Variants in TRIM61 observed in about 807,000 individuals in gnomAD.
TRIM61 encodes putative tripartite motif-containing protein 61.
A neutral mutation model predicts 14.2 loss-of-function variants in TRIM61; 1 was observed. The observed-to-expected ratio is 0.07, with a 90% CI of 0.03 to 0.33. TRIM61 has a LOEUF of 0.33. Ranked by LOEUF, TRIM61 falls within the 10% of genes least tolerant of loss-of-function variation. TRIM61 has a pLI of 0.99. For missense variants in TRIM61, 19 were observed against 202.2 expected (o/e 0.09, Z 5.49); for synonymous variants, 8 against 71.6 (o/e 0.11, Z 4.49).
chr4:164,974,076 G>A (rs28475532), intron 2 of TRIM61, among the ~76,000 whole-genome samples: 46,033 of 152,136 alleles, frequency 0.3, 7,176 homozygotes, highest in Admixed American at 0.39. Context: ...AGGCTGCAGC[G>A]GGAGAATTGC....
At chr4:164,974,957 G>A (rs1043758205) in intron 2 of TRIM61, among the ~76,000 whole-genome samples, 11 of 151,608 alleles carry the variant, frequency 7.3e-5, no homozygotes, top group South Asian at 4.2e-4. Flanking sequence ...GCCCAGCCAC[G>A]CACGGTGGCT....
chr4:164,954,999 C>T lies in TRIM61; in HGVS notation c.623G>A (p.Gly208Asp). Residue 208 changes from glycine to aspartate, a missense_variant, in exon 4 of 5, where the codon GGC becomes GAC. By Grantham distance (94) the Gly-to-Asp change is moderately conservative. Transcript: ENST00000329314. ...ACCTGTAGTCCCAGCTACTCAGGAGCCAGAGGCAGAAGAATCGCTTGATCC... is the reference window on the plus strand; with the variant it reads ...ACCTGTAGTCCCAGCTACTCAGGAGTCAGAGGCAGAAGAATCGCTTGATCC... 6.6e-6 allele frequency: 2 copies of T among 300,814 alleles called. No individual in the cohort carries two copies. The highest frequency in any genetic ancestry group is 1.4e-5 in the Non-Finnish European group (2 of 146,434). 18.6% of individuals were successfully genotyped at this position (300,814 alleles called of 1,614,324 possible).
At chr4:164,968,797 G>A in intron 3 of TRIM61, 1 of 972,106 alleles carries the variant, frequency 1.0e-6, no homozygotes, top group Non-Finnish European at 1.2e-6. Flanking sequence ...TAATTTCCCT[G>A]TGGCCCAATA....
intron 3 of TRIM61, among the ~76,000 whole-genome samples, chr4:164,959,839 G>A (rs1288426277): frequency 6.6e-6 from 1 of 152,148 alleles, no homozygotes; most frequent in East Asian, 1.9e-4. Flanking sequence ...TACGGGCCTA[G>A]CAGAAGGGAA....
chr4:164,975,551 T>C (rs1404498402), intron 2 of TRIM61, among the ~76,000 whole-genome samples: 2 of 152,184 alleles, frequency 1.3e-5, no homozygotes, highest in Non-Finnish European at 2.9e-5. Flanking sequence ...ATGTGTTGTA[T>C]AAAATCAAGG....
chr4:164,955,009 A>C lies in TRIM61; in HGVS notation c.613T>G (p.Ser205Ala). ...CCAGCTACTCAGGAGCCAGAGGCAG[A>C]AGAATCGCTTGATCCCGGGAGGCGG... Residue 205 changes from serine (S) to alanine (A), a missense_variant, in exon 4 of 5, where the codon TCT becomes GCT. Physicochemically the swap from Ser to Ala is moderately conservative, Grantham distance 99. Around this residue, in one of 2 missense-constraint regions of TRIM61, gnomAD observed 2 missense variants for 96.6 expected, o/e 0.02. Coordinates refer to ENST00000329314, the MANE Select transcript of TRIM61 (RefSeq NM_001012414.3). The C allele has an allele frequency of 3.3e-6, 1 of 302,626 alleles. No homozygotes were observed. The highest frequency in any genetic ancestry group is 2.3e-5 in the African/African-American group (1 of 44,300). The allele number at this position is 302,626 out of a possible 1,614,324, so 18.7% of individuals were successfully genotyped here. A position where few individuals can be genotyped will look rare whatever the true frequency, so the allele number is the denominator to read the frequency against.
At chr4:164,975,514 T>C (rs1294806785) in intron 2 of TRIM61, among the ~76,000 whole-genome samples, 5 of 152,188 alleles carry the variant, frequency 3.3e-5, no homozygotes, top group Non-Finnish European at 5.9e-5. Flanking sequence ...CCCAGCCACT[T>C]TGACTCAACC....
chr4:164,965,291 A>T (rs969665674), intron 3 of TRIM61, among the ~76,000 whole-genome samples: 82 of 152,098 alleles, frequency 5.4e-4, no homozygotes, highest in Non-Finnish European at 9.9e-4. Flanking sequence ...CCATCTCAAA[A>T]AAAGACAAAA....
chr4:164,972,564 C>A (rs1339659421), intron 2 of TRIM61, among the ~76,000 whole-genome samples: 1 of 152,226 alleles, frequency 6.6e-6, no homozygotes, highest in Non-Finnish European at 1.5e-5. Flanking sequence ...TCTTGGCTCA[C>A]TGCAGCCTCC....
In TRIM61 at chr4:164,957,287, G is replaced by C. The variant is rs373576529; in HGVS notation, c.526-2191C>G. ...GCGAATCGTTTTCTCCGCGTGCCCTGTCAGCCGCTCATGGTGCCCAGAGAG... is the reference window on the plus strand; with the variant it reads ...GCGAATCGTTTTCTCCGCGTGCCCTCTCAGCCGCTCATGGTGCCCAGAGAG... On this transcript the variant is annotated intron_variant, in intron 3 of 4. Coordinates refer to ENST00000329314, the MANE Select transcript of TRIM61 (RefSeq NM_001012414.3). 1.6e-4 allele frequency: 261 copies of C among 1,614,174 alleles called. 1 individual carries two copies. In the South Asian group the frequency reaches 2.4e-3, roughly 15 times the overall value.
chr4:164,977,338 C>G (rs1482193404), intron 1 of TRIM61, among the ~76,000 whole-genome samples, 193 bp downstream of exon 1: 1 of 152,164 alleles, frequency 6.6e-6, no homozygotes, highest in African/African-American at 2.4e-5. Context: ...TTAATTGATA[C>G]AGGCTCAACA....
intron 3 of TRIM61, chr4:164,958,729 A>G (rs1215510707): frequency 6.0e-6 from 1 of 166,902 alleles, no homozygotes; most frequent in African/African-American, 2.4e-5. Flanking sequence ...ATTTTATCAA[A>G]ATTATGTAGA....
intron 3 of TRIM61, chr4:164,957,379 A>T: frequency 6.2e-7 from 1 of 1,613,958 alleles, no homozygotes; most frequent in South Asian, 1.1e-5. Context: ...AGTCAGAAGG[A>T]CCACCAGGAA....
At chr4:164,974,390 C>T (rs1479902191) in intron 2 of TRIM61, among the ~76,000 whole-genome samples, 1 of 152,098 alleles carries the variant, frequency 6.6e-6, no homozygotes, top group African/African-American at 2.4e-5. Flanking sequence ...AGTTCAGCAT[C>T]CACTAACACA....
chr4:164,968,324 A>C, intron 3 of TRIM61: 2 of 963,028 alleles, frequency 2.1e-6, no homozygotes, highest in South Asian at 9.7e-5. Flanking sequence ...TTACAAAAGT[A>C]ATAGATTTTC....
At chr4:164,972,002 T>C (rs1269744385) in intron 2 of TRIM61, among the ~76,000 whole-genome samples, 2 of 152,200 alleles carry the variant, frequency 1.3e-5, no homozygotes, top group Non-Finnish European at 2.9e-5. Flanking sequence ...CTATACATTC[T>C]CTTTAGACTA....
intron 3 of TRIM61, chr4:164,957,584 A>C: frequency 1.5e-6 from 2 of 1,336,728 alleles, no homozygotes; most frequent in Non-Finnish European, 2.0e-6. Context: ...CCAAAACTAA[A>C]CCAATCGTTA....
At position 164,955,075 on chromosome 4, in the gene TRIM61, T is replaced by TG; in HGVS notation, c.546dup (p.Arg183GlnfsTer68). 6.0e-6 allele frequency: 1 copy of TG among 166,706 alleles called. No homozygotes were observed. Among genetic ancestry groups the TG allele is most frequent in the South Asian group, 8.7e-5 (1 of 11,448 alleles). 10.3% of individuals were successfully genotyped at this position (166,706 alleles called of 1,614,324 possible). A position where few individuals can be genotyped will look rare whatever the true frequency, so the allele number is the denominator to read the frequency against. On this transcript the variant is annotated frameshift_variant, in exon 4 of 5. Coordinates refer to ENST00000329314, the MANE Select transcript of TRIM61 (RefSeq NM_001012414.3). LOFTEE classifies it high-confidence loss of function. ...GAGATCGTGCAACTGCACTCCAGCC[T>TG]GGTGACAGAAGGAGACTCCATCTCA... is the stretch of plus-strand genomic sequence containing the variant.
At chr4:164,971,143 A>G (rs932337035) in intron 2 of TRIM61, among the ~76,000 whole-genome samples, 1 of 152,148 alleles carries the variant, frequency 6.6e-6, no homozygotes, top group Non-Finnish European at 1.5e-5. Flanking sequence ...TGAGATTCTT[A>G]GTATGGACTG....
Sources: allele counts gnomAD v4.1 joint callset (sites outside exome capture counted in the v4.1 genomes callset), GRCh38; gene constraint gnomAD v4.1.1; regional missense constraint gnomAD v4.1.1; transcripts MANE v1.5; gene names NCBI Gene and HGNC (gene_info 2026-07-23, HGNC 2026-07-21).